The following ST8SIA5 variants were observed in gnomAD, a reference collection of about 807,000 sequenced individuals.
ST8SIA5 encodes alpha-2,8-sialyltransferase 8E.
In ST8SIA5, 24 loss-of-function variants were observed where a neutral mutation model predicts 40.2. The observed-to-expected ratio is 0.60, with a 90% confidence interval of 0.43 to 0.84. ST8SIA5 has a LOEUF of 0.84. Among genes scored for constraint, ST8SIA5 ranks in the 40% least tolerant of loss-of-function variants. The probability of loss-of-function intolerance (pLI) is 0.00; values close to 1 mark genes in which losing one functional copy is unlikely to be tolerated. For missense variants in ST8SIA5, 465 were observed against 498.5 expected (o/e 0.93, Z 0.64); for synonymous variants, 198 against 201.8 (o/e 0.98, Z 0.16).
chr18:46,751,791 T>C (rs1406535256), intron 1 of ST8SIA5, among the ~76,000 whole-genome samples: 1 of 152,214 alleles, frequency 6.6e-6, no homozygotes. Flanking sequence ...GTTGAGTGTG[T>C]ACATAACTGT....
rs1568246567 is a variant in ST8SIA5 at position 46,680,100 on chromosome 18, A to T, written c.1073T>A (p.Leu358Gln). Residue 358 changes from leucine (L) to glutamine (Q), a missense_variant, in exon 7 of 7, where the codon CTG (leucine) becomes CAG (glutamine). Transcript: ENST00000315087. Reference sequence around the variant, plus strand: ...GAGGATGCCTCGGCTGTGCAAGTGCAGGAAGTTGAAGATCTCAGAGGGCAT... The same window carrying T: ...GAGGATGCCTCGGCTGTGCAAGTGCTGGAAGTTGAAGATCTCAGAGGGCAT... ...HAMPSEIFNF[L>Q]HLHSRGILRV... 6.2e-7 allele frequency: 1 copy of T among 1,614,150 alleles called. No individual in the cohort carries two copies. Among genetic ancestry groups the T allele is most frequent in the Admixed American group, 1.7e-5 (1 of 60,026 alleles).
At chr18:46,715,016 G>A (rs1484294464) in intron 1 of ST8SIA5, among the ~76,000 whole-genome samples, 1 of 152,178 alleles carries the variant, frequency 6.6e-6, no homozygotes, top group Non-Finnish European at 1.5e-5. Flanking sequence ...CGCAGCCTGG[G>A]TTCTGCCAGG....
At chr18:46,706,892 G>A (rs4890685) in intron 1 of ST8SIA5, among the ~76,000 whole-genome samples, 38,510 of 152,080 alleles carry the variant, frequency 0.25, 6,140 homozygotes, top group Middle Eastern at 0.4. Context: ...CAGCTTTCAC[G>A]GTGGCCCCAT....
At position 46,679,231 on chromosome 18, in the gene ST8SIA5, G is replaced by A. The variant is rs369198270; in HGVS notation, c.*811C>T. The A allele has an allele frequency of 2.6e-5, 4 of 152,380 alleles. No individual in the cohort carries two copies. Among genetic ancestry groups the A allele is most frequent in the African/African-American group, 9.6e-5 (4 of 41,588 alleles). 9.4% of individuals were successfully genotyped at this position (152,380 alleles called of 1,614,324 possible). A position where few individuals can be genotyped will look rare whatever the true frequency, so the allele number is the denominator to read the frequency against. ...CTTATTGAGTCAATAACATTGGCTTGGAAGCCATAGTGCAAGTGGCTGGTT... is the reference window on the plus strand; with the variant it reads ...CTTATTGAGTCAATAACATTGGCTTAGAAGCCATAGTGCAAGTGGCTGGTT... On this transcript the variant is annotated 3_prime_UTR_variant, in exon 7 of 7. Transcript: ENST00000315087.
chr18:46,710,403 CTT>C (rs758052421), intron 1 of ST8SIA5, among the ~76,000 whole-genome samples: 1 of 124,370 alleles, frequency 8.0e-6, no homozygotes, highest in South Asian at 2.6e-4. Context: ...TTCTTTCTTT[CTT>C]TCTTTCTTTC....
At chr18:46,740,871 A>G (rs1340237522) in intron 1 of ST8SIA5, among the ~76,000 whole-genome samples, 4 of 152,182 alleles carry the variant, frequency 2.6e-5, no homozygotes, top group Non-Finnish European at 5.9e-5. Context: ...TAACTGGCAC[A>G]TCGTAAATGC....
chr18:46,746,864 A>T (rs1002066730), intron 1 of ST8SIA5, among the ~76,000 whole-genome samples: 2 of 152,224 alleles, frequency 1.3e-5, no homozygotes, highest in Non-Finnish European at 2.9e-5. Context: ...ACTGGTATCA[A>T]AACAGATATA....
intron 3 of ST8SIA5, chr18:46,691,390 G>T (rs1409781315): frequency 6.6e-6 from 1 of 152,166 alleles, no homozygotes; most frequent in Non-Finnish European, 1.5e-5. Context: ...TCTTGTGCAG[G>T]ACTCCTTCAT....
At chr18:46,752,153 C>T (rs945286585) in intron 1 of ST8SIA5, among the ~76,000 whole-genome samples, 3 of 152,196 alleles carry the variant, frequency 2.0e-5, no homozygotes, top group African/African-American at 7.2e-5. Context: ...ATCCCCCTTC[C>T]TTTCACTTCT....
intron 2 of ST8SIA5, among the ~76,000 whole-genome samples, chr18:46,700,352 A>T (rs752395126): frequency 2.6e-5 from 4 of 152,192 alleles, no homozygotes; most frequent in Non-Finnish European, 4.4e-5. Flanking sequence ...GGCAAAGCAC[A>T]TCCATCAGCC....
At chr18:46,684,996 C>T (rs1019096488) in intron 5 of ST8SIA5, among the ~76,000 whole-genome samples, 10 of 152,062 alleles carry the variant, frequency 6.6e-5, no homozygotes, top group African/African-American at 1.9e-4. Flanking sequence ...GACCTGGAAG[C>T]GCAGTTGCCG....
rs2039307076 is a variant in ST8SIA5, at chr18:46,671,193, G to A, written c.*8849C>T. On this transcript the variant is annotated 3_prime_UTR_variant, in exon 7 of 7. Transcript: ENST00000315087. Reference sequence around the variant, plus strand: ...AGAGGCTCTTGTCAACTTTGTCGCTGAATGTGGAATTCTGAGCTCTCATGG... The same window carrying A: ...AGAGGCTCTTGTCAACTTTGTCGCTAAATGTGGAATTCTGAGCTCTCATGG... The A allele has an allele frequency of 6.6e-6, 1 of 152,154 alleles. No homozygotes were observed. Among genetic ancestry groups the A allele is most frequent in the South Asian group, 2.1e-4 (1 of 4,822 alleles). 9.4% of individuals were successfully genotyped at this position (152,154 alleles called of 1,614,324 possible). A position where few individuals can be genotyped will look rare whatever the true frequency, so the allele number is the denominator to read the frequency against.
chr18:46,700,917 C>T (rs2039607079), intron 2 of ST8SIA5, among the ~76,000 whole-genome samples: 1 of 152,140 alleles, frequency 6.6e-6, no homozygotes, highest in Non-Finnish European at 1.5e-5. Flanking sequence ...TGGGCTAGTA[C>T]AGTCAGACCA....
At chr18:46,752,614 A>G (rs906120869) in intron 1 of ST8SIA5, among the ~76,000 whole-genome samples, 14 of 152,136 alleles carry the variant, frequency 9.2e-5, no homozygotes, top group Admixed American at 2.0e-4. Context: ...ACTGCTCTCA[A>G]TGGGGTCCTC....
Position 46,725,994 on chromosome 18 carries a change from T to TCCTGG in ST8SIA5, c.132-21331_132-21330insCCAGG, listed in dbSNP as rs1395713571. On this transcript the variant is annotated intron_variant, in intron 1 of 6. Transcript: ENST00000315087. The stretch of plus-strand genomic sequence containing the variant: ...AAAAATATATATATATATATATATA[T>TCCTGG]ATATATATATATATATCCTGGATAT... Among the ~76,000 whole-genome samples, 69 of 69,002 alleles carry TCCTGG rather than the reference T, an allele frequency of 1.0e-3. 1 individual carries two copies. The highest frequency in any genetic ancestry group is 3.1e-3 in the African/African-American group (60 of 19,114). 45.3% of individuals were successfully genotyped at this position (69,002 alleles called of 152,430 possible). A position where few individuals can be genotyped will look rare whatever the true frequency, so the allele number is the denominator to read the frequency against.
chr18:46,732,637 C>A (rs188266290), intron 1 of ST8SIA5, among the ~76,000 whole-genome samples: 13 of 152,122 alleles, frequency 8.5e-5, no homozygotes, highest in Admixed American at 2.6e-4. Flanking sequence ...AGGCTCTATT[C>A]GTAAAAAAAC....
intron 5 of ST8SIA5, among the ~76,000 whole-genome samples, chr18:46,684,298 A>G (rs2039425377): frequency 6.6e-6 from 1 of 152,198 alleles, no homozygotes; most frequent in South Asian, 2.1e-4. Flanking sequence ...CTGACTATGA[A>G]TAGCCCCATG....
chr18:46,685,005 C>T (rs866293796), intron 5 of ST8SIA5, among the ~76,000 whole-genome samples: 4 of 152,034 alleles, frequency 2.6e-5, no homozygotes, highest in South Asian at 2.1e-4. Context: ...GCGCAGTTGC[C>T]GGCACTAACT....
rs2039335503 is a variant in ST8SIA5 at position 46,675,781 on chromosome 18, G to A, written c.*4261C>T. On this transcript the variant is annotated 3_prime_UTR_variant, in exon 7 of 7. Coordinates refer to ENST00000315087, the MANE Select transcript of ST8SIA5 (RefSeq NM_013305.6). The stretch of plus-strand genomic sequence containing the variant: ...AAAGACCAGAGAGACTGTGCATAGT[G>A]GCTCACACCTGTAATCCCAGCACTT... 6.6e-6 allele frequency: 1 copy of A among 152,206 alleles called. No individual in the cohort carries two copies. The highest frequency in any genetic ancestry group is 1.5e-5 in the Non-Finnish European group (1 of 68,090). The allele number at this position is 152,206 out of a possible 1,614,324, so 9.4% of individuals were successfully genotyped here. A position where few individuals can be genotyped will look rare whatever the true frequency, so the allele number is the denominator to read the frequency against.
Sources: allele counts gnomAD v4.1 joint callset (sites outside exome capture counted in the v4.1 genomes callset), GRCh38; gene constraint gnomAD v4.1.1; transcripts MANE v1.5; gene names NCBI Gene and HGNC (gene_info 2026-07-23, HGNC 2026-07-21).